Variants in RAB22A observed in about 807,000 individuals in gnomAD.
The protein encoded by RAB22A is RAB22A, member RAS oncogene family.
A neutral mutation model predicts 30.2 loss-of-function variants in RAB22A; 13 were observed. That is an observed-to-expected ratio of 0.43 (90% CI 0.28 to 0.68). The LOEUF is 0.68. Ranked by LOEUF, RAB22A falls within the 30% of genes least tolerant of loss-of-function variation. RAB22A has a pLI of 0.18. For synonymous variants in RAB22A, 89 were observed against 87.2 expected, an observed-to-expected ratio of 1.02 and a Z score of -0.11; for missense variants, 177 against 246.8, an observed-to-expected ratio of 0.72 and a Z score of 1.89.
rs944109392 is a variant in RAB22A at position 58,364,139 on chromosome 20, T to G, written c.*4436T>G. 1 of 152,654 alleles carries G rather than the reference T, an allele frequency of 6.6e-6. No homozygotes were observed. Among genetic ancestry groups the G allele is most frequent in the African/African-American group, 2.4e-5 (1 of 41,452 alleles). 9.5% of individuals were successfully genotyped at this position (152,654 alleles called of 1,614,324 possible). ...TTTTCAGGAGCCTCCATTTTTTCAG[T>G]CTAAGAGAATGATAAGTGAGAGGCC... On this transcript the variant is annotated 3_prime_UTR_variant, in exon 7 of 7. Transcript: ENST00000244040.
intron 2 of RAB22A, among the ~76,000 whole-genome samples, chr20:58,329,977 T>C (rs1186925623): frequency 6.6e-6 from 1 of 152,232 alleles, no homozygotes; most frequent in Non-Finnish European, 1.5e-5. Context: ...GTACTAAACA[T>C]GTACTAAACA....
intron 2 of RAB22A, among the ~76,000 whole-genome samples, chr20:58,327,181 T>A (rs944020268): frequency 6.6e-6 from 1 of 152,240 alleles, no homozygotes; most frequent in South Asian, 2.1e-4. Flanking sequence ...ATTTTTTGCA[T>A]CTATTTAGAT....
chr20:58,318,897 A>G (rs1299160914), intron 2 of RAB22A, among the ~76,000 whole-genome samples: 1 of 152,210 alleles, frequency 6.6e-6, no homozygotes, highest in Admixed American at 6.5e-5. Flanking sequence ...ACATTTGCAC[A>G]TTTGGGAATC....
Position 58,367,331 on chromosome 20 carries a change from C to G in RAB22A, c.*7628C>G, listed in dbSNP as rs1276708139. On this transcript the variant is annotated 3_prime_UTR_variant, in exon 7 of 7. Transcript: ENST00000244040. ...TGTTGTAAGATTTTTGTTTTCATGCCTATGCTCATAGTAGATAGTTTGCAA... is the reference window on the plus strand; with the variant it reads ...TGTTGTAAGATTTTTGTTTTCATGCGTATGCTCATAGTAGATAGTTTGCAA... 6.6e-6 allele frequency: 1 copy of G among 152,462 alleles called. No individual in the cohort carries two copies. Among genetic ancestry groups the G allele is most frequent in the East Asian group, 1.9e-4 (1 of 5,188 alleles). The allele number at this position is 152,462 out of a possible 1,614,324, so 9.4% of individuals were successfully genotyped here.
At chr20:58,346,870 G>C (rs149959136) in intron 3 of RAB22A, among the ~76,000 whole-genome samples, 1 of 152,170 alleles carries the variant, frequency 6.6e-6, no homozygotes, top group African/African-American at 2.4e-5. Flanking sequence ...CCATGGGATT[G>C]TCACCTGTTT....
chr20:58,356,102 GGA>G (rs769930694), intron 6 of RAB22A, among the ~76,000 whole-genome samples: 7 of 152,242 alleles, frequency 4.6e-5, no homozygotes, highest in Non-Finnish European at 7.4e-5. Context: ...CCTGAGGTCA[GGA>G]GTTCGAGACC....
intron 2 of RAB22A, among the ~76,000 whole-genome samples, chr20:58,330,152 G>C (rs1174607518): frequency 6.6e-6 from 1 of 152,170 alleles, no homozygotes; most frequent in Non-Finnish European, 1.5e-5. Context: ...TTATACAACA[G>C]TTGTGAGTAT....
At chr20:58,313,045 G>T (rs927400223) in intron 2 of RAB22A, among the ~76,000 whole-genome samples, 1 of 152,132 alleles carries the variant, frequency 6.6e-6, no homozygotes, top group Admixed American at 6.6e-5. Flanking sequence ...CTGAGTCAGA[G>T]CTGAAAACCT....
chr20:58,317,842 G>T (rs865785228), intron 2 of RAB22A, among the ~76,000 whole-genome samples: 2 of 150,352 alleles, frequency 1.3e-5, no homozygotes, highest in Non-Finnish European at 3.0e-5. Context: ...CACCACGCCT[G>T]GCCTATTATT....
At chr20:58,349,106 C>T (rs1987000973) in intron 3 of RAB22A, among the ~76,000 whole-genome samples, 1 of 150,632 alleles carries the variant, frequency 6.6e-6, no homozygotes, top group Non-Finnish European at 1.5e-5. Flanking sequence ...TTCTTTGCAT[C>T]AAAAGGACAT....
intron 2 of RAB22A, among the ~76,000 whole-genome samples, chr20:58,328,528 A>T (rs1015423707): frequency 6.6e-6 from 1 of 152,054 alleles, no homozygotes; most frequent in Non-Finnish European, 1.5e-5. Flanking sequence ...GATTATTTCA[A>T]ATTTTTAAAA....
chr20:58,348,309 T>G (rs1443700606), intron 3 of RAB22A, among the ~76,000 whole-genome samples: 2 of 152,164 alleles, frequency 1.3e-5, no homozygotes, highest in Non-Finnish European at 2.9e-5. Context: ...CTTAATATGG[T>G]TTCTCCCAAT....
At chr20:58,351,641 C>T (rs1171293538) in intron 3 of RAB22A, among the ~76,000 whole-genome samples, 2 of 152,094 alleles carry the variant, frequency 1.3e-5, no homozygotes, top group East Asian at 3.9e-4. Context: ...TGGAGAAACC[C>T]CATCTCTACT....
intron 2 of RAB22A, 98 bp from the exon 3 acceptor site, chr20:58,343,620 G>A (rs1986895261): frequency 3.5e-6 from 3 of 862,768 alleles, no homozygotes; most frequent in Non-Finnish European, 3.8e-6. Context: ...GTGGTGCTGG[G>A]AGACTGAGCG....
chr20:58,356,332 A>C (rs1294721830), intron 6 of RAB22A, among the ~76,000 whole-genome samples: 2 of 151,966 alleles, frequency 1.3e-5, no homozygotes, highest in Non-Finnish European at 2.9e-5. Flanking sequence ...AAAAAGGAAG[A>C]TAGTAAACTA....
intron 6 of RAB22A, among the ~76,000 whole-genome samples, chr20:58,358,715 C>G (rs558849560): frequency 1.3e-5 from 2 of 152,092 alleles, no homozygotes; most frequent in Admixed American, 6.5e-5. Context: ...GCCAACATGG[C>G]GAAACCTGGT....
intron 2 of RAB22A, among the ~76,000 whole-genome samples, chr20:58,336,043 T>C (rs1986745306): frequency 6.6e-6 from 1 of 152,236 alleles, no homozygotes; most frequent in South Asian, 2.1e-4. Context: ...AGTCTCTCGC[T>C]CTGTCGCCCA....
At chr20:58,341,302 C>T (rs1319899753) in intron 2 of RAB22A, among the ~76,000 whole-genome samples, 1 of 152,178 alleles carries the variant, frequency 6.6e-6, no homozygotes, top group Non-Finnish European at 1.5e-5. Context: ...GCCTAAGACG[C>T]ATGCCCAGCA....
At chr20:58,340,426 G>A (rs1302605193) in intron 2 of RAB22A, among the ~76,000 whole-genome samples, 1 of 152,128 alleles carries the variant, frequency 6.6e-6, no homozygotes. Context: ...CAGAGCCCAG[G>A]TCTGCTCTAA....
Sources: allele counts gnomAD v4.1 joint callset (sites outside exome capture counted in the v4.1 genomes callset), GRCh38; gene constraint gnomAD v4.1.1; transcripts MANE v1.5; gene names NCBI Gene and HGNC (gene_info 2026-07-23, HGNC 2026-07-21).